ARID4B: variants seen among roughly 807,000 people sequenced by gnomAD.
The protein encoded by ARID4B is AT-rich interactive domain-containing protein 4B.
Under a neutral mutation model 147.5 loss-of-function variants are expected in ARID4B, and 26 were observed. The observed-to-expected ratio is 0.18, with a 90% CI of 0.13 to 0.24. The LOEUF (loss-of-function observed/expected upper bound fraction) is 0.24. Ranked by LOEUF, ARID4B falls within the 10% of genes least tolerant of loss-of-function variation. The pLI is 1.00. For synonymous variants in ARID4B, 512 were observed against 507.9 expected (o/e 1.01, Z -0.11); for missense variants, 1,179 against 1,511.5 (o/e 0.78, Z 3.65).
At chr1:235,311,084 C>A (rs551190379) in intron 2 of ARID4B, among the ~76,000 whole-genome samples, 2 of 152,200 alleles carry the variant, frequency 1.3e-5, no homozygotes, top group East Asian at 3.9e-4. Flanking sequence ...TCATAGATTA[C>A]CTTTTAGTAA....
chr1:235,313,894 TTTAAGGC>T (rs1272360051), intron 2 of ARID4B, among the ~76,000 whole-genome samples: 11 of 152,260 alleles, frequency 7.2e-5, no homozygotes. Context: ...GAATAACAGA[TTTAAGGC>T]TTAATCACAA....
intron 2 of ARID4B, among the ~76,000 whole-genome samples, chr1:235,309,809 T>A (rs979467488): frequency 6.6e-6 from 1 of 152,180 alleles, no homozygotes; most frequent in Admixed American, 6.5e-5. Context: ...ATGGGAGACT[T>A]TTCCTTTTGT....
chr1:235,247,523 G>C (rs1558243409), intron 6 of ARID4B, among the ~76,000 whole-genome samples: 1 of 152,010 alleles, frequency 6.6e-6, no homozygotes, highest in Non-Finnish European at 1.5e-5. Flanking sequence ...CGAACAGTAT[G>C]ATCAAGAAAA....
At chr1:235,199,616 G>C (rs1279494153) in intron 17 of ARID4B, among the ~76,000 whole-genome samples, 1 of 152,162 alleles carries the variant, frequency 6.6e-6, no homozygotes, top group Non-Finnish European at 1.5e-5. Context: ...ATAACGGTAG[G>C]GGGCATTCCA....
chr1:235,302,341 A>C, intron 2 of ARID4B, among the ~76,000 whole-genome samples: 2 of 50,984 alleles, frequency 3.9e-5, no homozygotes, highest in South Asian at 7.7e-4. Flanking sequence ...AAAGGAGGGG[A>C]GGGGAGGGGA....
At chr1:235,279,560 A>G (rs1411248332) in intron 2 of ARID4B, among the ~76,000 whole-genome samples, 3 of 152,218 alleles carry the variant, frequency 2.0e-5, no homozygotes, top group South Asian at 2.1e-4. Context: ...GCAAACAACT[A>G]AAGAATTAGT....
At chr1:235,184,149 GAATA>G (rs1490742906) in intron 19 of ARID4B, among the ~76,000 whole-genome samples, 1 of 152,070 alleles carries the variant, frequency 6.6e-6, no homozygotes, top group Non-Finnish European at 1.5e-5. Context: ...ATGTTTTAAA[GAATA>G]GATATAATTA....
At chr1:235,253,173 C>CT (rs1669748096) in intron 5 of ARID4B, among the ~76,000 whole-genome samples, 2 of 152,106 alleles carry the variant, frequency 1.3e-5, no homozygotes, top group African/African-American at 4.8e-5. Flanking sequence ...ACAGATTTAC[C>CT]TAAGAAAGAT....
chr1:235,213,504 T>A (rs1666838882), intron 17 of ARID4B, among the ~76,000 whole-genome samples: 1 of 152,200 alleles, frequency 6.6e-6, no homozygotes, highest in Non-Finnish European at 1.5e-5. Context: ...TTCAACAATG[T>A]TTTGTCTGCT....
chr1:235,215,124 C>T (rs193209498), intron 16 of ARID4B, among the ~76,000 whole-genome samples: 3 of 152,116 alleles, frequency 2.0e-5, no homozygotes, highest in South Asian at 4.1e-4. Context: ...GGATTACAGC[C>T]GTGAGCCACC....
At chr1:235,285,666 GACA>G (rs1227604477) in intron 2 of ARID4B, among the ~76,000 whole-genome samples, 3 of 152,202 alleles carry the variant, frequency 2.0e-5, no homozygotes, top group East Asian at 3.8e-4. Flanking sequence ...TGCCTTTACT[GACA>G]ACATGATCCG....
At position 235,236,833 on chromosome 1, in the gene ARID4B, A is replaced by AT. The variant is rs1668597409; in HGVS notation, c.586-2342_586-2341insA. ...TGGCCCACAAAACGGTTTTATAAAA[A>AT]ATATATATATATATATATATATATA... On this transcript the variant is annotated intron_variant, in intron 8 of 23. Transcript: ENST00000264183. 2.9e-3 allele frequency among the ~76,000 whole-genome samples: 97 copies of AT among 33,514 alleles called. 12 individuals carry two copies. The highest frequency in any genetic ancestry group is 0.033 in the Middle Eastern group (1 of 30). 22.0% of individuals were successfully genotyped at this position (33,514 alleles called of 152,430 possible). A position where few individuals can be genotyped will look rare whatever the true frequency, so the allele number is the denominator to read the frequency against.
In ARID4B at chr1:235,182,002, C is replaced by T. The variant is rs148934238; in HGVS notation, c.2917G>A (p.Ala973Thr). ...CTGGGTGAACAACTCTCCTCTTCAG[C>T]CACAGTCTGCAGTGACTCCTCTGCC... is the stretch of plus-strand genomic sequence containing the variant. The part of the protein sequence containing the change: ...GVAEESLQTV[A>T]EEESCSPSVE... Residue 973 changes from alanine to threonine, a missense_variant, in exon 20 of 24, where the codon GCT becomes ACT. By Grantham distance (58) the Ala-to-Thr change is moderately conservative (BLOSUM62 0). Transcript: ENST00000264183. 12 of 1,614,050 alleles carry T rather than the reference C, an allele frequency of 7.4e-6. No homozygotes were observed. The African/African-American group carries it at 1.2e-4, about 16-fold the overall frequency.
chr1:235,173,824 A>ATCAT, intron 22 of ARID4B, among the ~76,000 whole-genome samples: 1 of 70,506 alleles, frequency 1.4e-5, no homozygotes, highest in Non-Finnish European at 2.8e-5. Context: ...GTATACCTAA[A>ATCAT]ACATATATAT....
At chr1:235,177,024 G>GT in intron 21 of ARID4B, 2 of 447,484 alleles carry the variant, frequency 4.5e-6, no homozygotes, top group South Asian at 3.2e-5. Flanking sequence ...GCACGGAGTC[G>GT]TTGCTAAAGT....
chr1:235,193,999 AT>A lies in ARID4B; in HGVS notation c.2125+13del, dbSNP rs35180803. The A allele has an allele frequency of 0.34, 527,675 of 1,547,184 alleles. 96,146 individuals are homozygous for A. Among genetic ancestry groups the A allele is most frequent in the South Asian group, 0.53 (47,228 of 88,838 alleles). ...AATCAAATACTTGCACAACAGAACGATTGTTATGTTTACCTTGAAGTCCATT... is the reference window on the plus strand; with the variant it reads ...AATCAAATACTTGCACAACAGAACGATGTTATGTTTACCTTGAAGTCCATT... On this transcript the variant is annotated intron_variant, in intron 19 of 23. Transcript: ENST00000264183.
chr1:235,302,932 T>C (rs72758052), intron 2 of ARID4B, among the ~76,000 whole-genome samples: 19,921 of 133,494 alleles, frequency 0.15, 1,524 homozygotes, highest in African/African-American at 0.21. Flanking sequence ...TTCTTCTTTT[T>C]TTCTTTTTTT....
intron 2 of ARID4B, among the ~76,000 whole-genome samples, chr1:235,309,424 G>T (rs540842459): frequency 6.8e-6 from 1 of 147,808 alleles, no homozygotes; most frequent in Non-Finnish European, 1.5e-5. Context: ...GAGGGAGGTG[G>T]GGGGGTCAGC....
At chr1:235,246,808 AAC>A (rs1220272842) in intron 6 of ARID4B, among the ~76,000 whole-genome samples, 1 of 152,190 alleles carries the variant, frequency 6.6e-6, no homozygotes, top group Non-Finnish European at 1.5e-5. Flanking sequence ...ATACAAAACA[AAC>A]ACAGCTCAGT....
Sources: gnomAD v4.1 joint callset for allele counts (sites outside exome capture counted in the v4.1 genomes callset) on GRCh38, gnomAD v4.1.1 for gene constraint, MANE v1.5 for transcripts, NCBI Gene and HGNC (gene_info 2026-07-23, HGNC 2026-07-21) for gene names.